PTK2: variants seen among roughly 807,000 people sequenced by gnomAD.
PTK2 encodes focal adhesion kinase 1.
PTK2 carries 45 observed loss-of-function variants against 150.1 expected under a neutral mutation model. The ratio of observed to expected loss-of-function variants is 0.30; its 90% CI spans 0.24 to 0.38. PTK2 has a LOEUF of 0.38. PTK2 is among the 10% of genes least tolerant of loss of function. The pLI is 1.00. For missense variants in PTK2, 919 were observed against 1,307.3 expected, an observed-to-expected ratio of 0.70 and a Z score of 4.58; for synonymous variants, 432 against 449.2, an observed-to-expected ratio of 0.96 and a Z score of 0.48.
chr8:140,678,249 T>C (rs1296070296), intron 27 of PTK2, among the ~76,000 whole-genome samples: 1 of 152,196 alleles, frequency 6.6e-6, no homozygotes, highest in Admixed American at 6.5e-5. Flanking sequence ...GGTTTCACCA[T>C]GTTGGCCAGG....
intron 27 of PTK2, among the ~76,000 whole-genome samples, chr8:140,683,741 T>G (rs1374465837): frequency 3.1e-5 from 4 of 129,346 alleles, no homozygotes; most frequent in Admixed American, 8.0e-5. Context: ...TAAACAGAAC[T>G]AAAAAAAACT....
Position 140,674,266 on chromosome 8 carries a change from GCAGAAGGTGCTGCACAGGCT to G in PTK2, c.2709+12_2709+31del, listed in dbSNP as rs1483622609. 4.5e-6 allele frequency: 7 copies of G among 1,556,260 alleles called. No homozygotes were observed. Among genetic ancestry groups the G allele is most frequent in the Non-Finnish European group, 6.2e-6 (7 of 1,136,642 alleles). On this transcript the variant is annotated intron_variant, in intron 29 of 31. Transcript: ENST00000522684. ...CTAGGGGACACCACAAATCCTGCAA[GCAGAAGGTGCTGCACAGGCT>G]CAGATGCCCACCTTGACACCCTCGT...
At chr8:140,895,528 A>G (rs1210492235) in intron 2 of PTK2, among the ~76,000 whole-genome samples, 1 of 151,624 alleles carries the variant, frequency 6.6e-6, no homozygotes, top group East Asian at 1.9e-4. Context: ...TCTCCTTTAA[A>G]AAAAAAAAAA....
chr8:140,705,763 A>C (rs763025656), intron 24 of PTK2, among the ~76,000 whole-genome samples: 1 of 152,152 alleles, frequency 6.6e-6, no homozygotes, highest in African/African-American at 2.4e-5. Context: ...GGGTTCTGTT[A>C]ATTTTGAATT....
rs1232286111 is a variant in PTK2, at chr8:140,927,940, GAAAAAAAAAAAAAAAAAGAAAA to G, written c.-121-2213_-121-2192del. ...CAAGAGCAAAACTCCATCTCAAAAAGAAAAAAAAAAAAAAAAAGAAAAAAAAAAAAAAAAAATATATATATAT... is the reference window on the plus strand; with the variant it reads ...CAAGAGCAAAACTCCATCTCAAAAAGAAAAAAAAAAAAAATATATATATAT... On this transcript the variant is annotated intron_variant, in intron 1 of 31. Coordinates refer to ENST00000522684, the Ensembl canonical transcript of PTK2. Among the ~76,000 whole-genome samples the G allele has an allele frequency of 7.7e-4, 28 of 36,284 alleles. No individual in the cohort carries two copies. The East Asian group carries it at 0.021, about 27-fold the overall frequency. 23.8% of individuals were successfully genotyped at this position (36,284 alleles called of 152,430 possible).
chr8:140,700,791 ACTCT>A, intron 26 of PTK2, 96 bp downstream of exon 29: 1 of 1,455,958 alleles, frequency 6.9e-7, no homozygotes, highest in Non-Finnish European at 9.3e-7. Flanking sequence ...TGTAAAACTA[ACTCT>A]CCTGCTTTGA....
At chr8:140,951,363 C>A (rs906723395) in intron 1 of PTK2, among the ~76,000 whole-genome samples, 1 of 152,114 alleles carries the variant, frequency 6.6e-6, no homozygotes, top group Non-Finnish European at 1.5e-5. Context: ...AACGGACTTA[C>A]GAAGGGGAAC....
intron 18 of PTK2, among the ~76,000 whole-genome samples, chr8:140,745,080 A>G (rs1394749147): frequency 1.0e-5 from 1 of 96,214 alleles, no homozygotes; most frequent in Non-Finnish European, 1.9e-5. Context: ...ATTGCTAAAT[A>G]ATAATAACAA....
intron 26 of PTK2, among the ~76,000 whole-genome samples, chr8:140,698,924 A>ATTT (rs10713722): frequency 2.8e-4 from 27 of 96,174 alleles, no homozygotes; most frequent in Non-Finnish European, 4.0e-4. Flanking sequence ...TAATTTTTGT[A>ATTT]TTTTTTTTTT....
intron 20 of PTK2, among the ~76,000 whole-genome samples, chr8:140,741,173 C>G (rs2100055431): frequency 6.8e-6 from 1 of 146,014 alleles, no homozygotes; most frequent in African/African-American, 2.6e-5. Flanking sequence ...AAAATTAGGC[C>G]AGGCGCAGTG....
intron 27 of PTK2, among the ~76,000 whole-genome samples, chr8:140,678,192 G>A (rs1042792353): frequency 6.6e-6 from 1 of 151,676 alleles, no homozygotes; most frequent in Non-Finnish European, 1.5e-5. Flanking sequence ...GATTACAAAC[G>A]CCCGCCACGA....
At chr8:140,897,720 A>T (rs1439510342) in intron 2 of PTK2, among the ~76,000 whole-genome samples, 1 of 152,178 alleles carries the variant, frequency 6.6e-6, no homozygotes, top group Non-Finnish European at 1.5e-5. Context: ...TCTACCAATT[A>T]ACAGACTTCC....
At chr8:140,966,611 G>A (rs1335801692) in intron 1 of PTK2, among the ~76,000 whole-genome samples, 1 of 152,198 alleles carries the variant, frequency 6.6e-6, no homozygotes, top group Non-Finnish European at 1.5e-5. Context: ...CTAGCTCAGA[G>A]TATAAAGTAG....
At chr8:140,941,419 C>T (rs1000128030) in intron 1 of PTK2, among the ~76,000 whole-genome samples, 3 of 152,124 alleles carry the variant, frequency 2.0e-5, no homozygotes, top group African/African-American at 7.2e-5. Flanking sequence ...AGAGCATATG[C>T]ATTAAATAAA....
exon 25 of PTK2, chr8:140,702,607 C>G: frequency 6.2e-7 from 1 of 1,614,070 alleles, no homozygotes; most frequent in South Asian, 1.1e-5. Context: ...CTCCTGAGGT[C>G]TATGATTCCA....
intron 1 of PTK2, among the ~76,000 whole-genome samples, chr8:140,971,284 T>C (rs1204794880): frequency 6.6e-6 from 1 of 152,256 alleles, no homozygotes; most frequent in African/African-American, 2.4e-5. Flanking sequence ...ATTATGGTTA[T>C]TCATCAGCAA....
In PTK2 at chr8:140,660,299, G is replaced by C. The variant is rs6578130; in HGVS notation, c.2947-621C>G. On this transcript the variant is annotated intron_variant, in intron 31 of 31. Coordinates refer to ENST00000522684, the Ensembl canonical transcript of PTK2. ...AGAGTGGACAACTGAGATACAGTAA[G>C]ATGTGCTGAAGGCCACACAGCTCTT... is the stretch of plus-strand genomic sequence containing the variant. Among the ~76,000 whole-genome samples, 940 of 152,306 alleles carry C rather than the reference G, an allele frequency of 6.2e-3. 12 individuals carry two copies. Among genetic ancestry groups the C allele is most frequent in the African/African-American group, 0.022 (907 of 41,554 alleles).
chr8:140,824,169 C>T (rs562018385), intron 8 of PTK2, among the ~76,000 whole-genome samples: 2 of 152,264 alleles, frequency 1.3e-5, no homozygotes, highest in East Asian at 1.9e-4. Context: ...CTGCTCTCCC[C>T]GATAATTTAA....
At chr8:140,949,977 G>C (rs1175846248) in intron 1 of PTK2, among the ~76,000 whole-genome samples, 1 of 123,916 alleles carries the variant, frequency 8.1e-6, no homozygotes, top group East Asian at 2.4e-4. Context: ...CAGACTCAGA[G>C]AGATGTTAGC....
Sources: gnomAD v4.1 joint callset for allele counts (sites outside exome capture counted in the v4.1 genomes callset) on GRCh38, gnomAD v4.1.1 for gene constraint, MANE v1.5 for transcripts, NCBI Gene and HGNC (gene_info 2026-07-23, HGNC 2026-07-21) for gene names.